Variants in MCFD2 observed in about 807,000 individuals in gnomAD.
MCFD2 encodes the protein multiple coagulation factor deficiency protein 2.
Under a neutral mutation model 12.8 loss-of-function variants are expected in MCFD2, and 11 were observed. The observed-to-expected ratio is 0.86, with a 90% confidence interval of 0.54 to 1.42. The LOEUF (loss-of-function observed/expected upper bound fraction) is 1.42. MCFD2 is among the 40% of genes most tolerant of loss of function. MCFD2 has a pLI of 0.00. For missense variants in MCFD2, 191 were observed against 178.6 expected (o/e 1.07, Z -0.40); for synonymous variants, 70 against 68.1 (o/e 1.03, Z -0.14).
At chr2:46,906,139 C>G (rs1477065635) in intron 3 of MCFD2, among the ~76,000 whole-genome samples, 1 of 152,200 alleles carries the variant, frequency 6.6e-6, no homozygotes, top group Non-Finnish European at 1.5e-5. Flanking sequence ...TGTTCACATC[C>G]TTGGCTGGTT....
chr2:46,918,645 A>G (rs78237514), upstream of MCFD2, among the ~76,000 whole-genome samples: 573 of 152,368 alleles, frequency 3.8e-3, 1 homozygote, highest in Non-Finnish European at 5.7e-3. Flanking sequence ...CTGTATGTCA[A>G]ACTGGAAAGT....
rs770440060 is a variant in MCFD2 at position 46,941,559 on chromosome 2, G to T, written c.-8+13C>A. ...GCGAGAAGATGGCTGCGAAGGGCGC[G>T]CACGGCTCCTACCTGAAGGTGGAGA... On this transcript the variant is annotated intron_variant, in intron 1 of 2. Transcript: ENST00000409147. The surrounding 1 kb of genome is among the most constrained non-coding windows in gnomAD (Gnocchi z 4.2). The T allele has an allele frequency of 2.8e-5, 43 of 1,555,546 alleles. No homozygotes were observed. Among genetic ancestry groups the T allele is most frequent in the Non-Finnish European group, 3.7e-5 (42 of 1,150,172 alleles).
Position 46,941,703 on chromosome 2 carries a change from A to G in MCFD2, c.-139T>C, listed in dbSNP as rs776259833. The G allele has an allele frequency of 7.6e-5, 118 of 1,550,604 alleles. No homozygotes were observed. Among genetic ancestry groups the G allele is most frequent in the Non-Finnish European group, 1.0e-4 (116 of 1,147,364 alleles). ...GTAACAGGCGAGGCAGCCCGAGCGC[A>G]GCGTTCACCTTTCCGGACACCGGTG... is the stretch of plus-strand genomic sequence containing the variant. On this transcript the variant is annotated 5_prime_UTR_variant, in exon 1 of 3. Coordinates refer to the MCFD2 transcript ENST00000409147. This position sits in a 1 kb window ranked among gnomAD's most constrained non-coding sequence, Gnocchi z 4.2.
At chr2:46,935,679 C>T (rs1297091395) in intron 1 of MCFD2, among the ~76,000 whole-genome samples, 3 of 152,166 alleles carry the variant, frequency 2.0e-5, no homozygotes, top group Non-Finnish European at 2.9e-5. Flanking sequence ...AGTCCAAGAC[C>T]CCTGACTCGG....
At chr2:46,929,982 T>C (rs1055945604) in intron 1 of MCFD2, among the ~76,000 whole-genome samples, 6 of 152,296 alleles carry the variant, frequency 3.9e-5, no homozygotes, top group East Asian at 1.9e-4. Context: ...TGAAGAAATA[T>C]GGAGAAAAGC....
chr2:46,920,004 T>C (rs950062276), upstream of MCFD2, among the ~76,000 whole-genome samples: 1 of 152,186 alleles, frequency 6.6e-6, no homozygotes, highest in Non-Finnish European at 1.5e-5. Flanking sequence ...TTTTGGCATG[T>C]GTTGTGTTGT....
chr2:46,929,181 C>T (rs937277427), intron 1 of MCFD2, among the ~76,000 whole-genome samples: 3 of 151,768 alleles, frequency 2.0e-5, no homozygotes, highest in Non-Finnish European at 4.4e-5. Context: ...GAAAACAAAA[C>T]AAAACAAAAA....
rs1668305839 is a variant in MCFD2, at chr2:46,907,793, G to A, written c.309+17C>T. Reference sequence around the variant, plus strand: ...GCCTTTCTGTGATACAGTCCCCCAAGCCACTGCCAGACCTACCTCCTTATG... The same window carrying A: ...GCCTTTCTGTGATACAGTCCCCCAAACCACTGCCAGACCTACCTCCTTATG... On this transcript the variant is annotated intron_variant, in intron 3 of 3. Transcript: ENST00000319466. This position sits in a 1 kb window ranked among gnomAD's most constrained non-coding sequence, Gnocchi z 4.1. The A allele has an allele frequency of 6.2e-7, 1 of 1,613,642 alleles. No individual in the cohort carries two copies. The highest frequency in any genetic ancestry group is 1.3e-5 in the African/African-American group (1 of 75,046).
Position 46,907,418 on chromosome 2 carries a change from T to A in MCFD2, c.309+392A>T, listed in dbSNP as rs1668291480. 4.5e-6 allele frequency: 1 copy of A among 224,094 alleles called. No homozygotes were observed. Among genetic ancestry groups the A allele is most frequent in the Non-Finnish European group, 9.0e-6 (1 of 111,130 alleles). The allele number at this position is 224,094 out of a possible 1,614,324, so 13.9% of individuals were successfully genotyped here. A position where few individuals can be genotyped will look rare whatever the true frequency, so the allele number is the denominator to read the frequency against. On this transcript the variant is annotated intron_variant, in intron 3 of 3. Transcript: ENST00000319466. This position sits in a 1 kb window ranked among gnomAD's most constrained non-coding sequence, Gnocchi z 4.1. The stretch of plus-strand genomic sequence containing the variant: ...TTCTCTTTTTGAGACAAGGCCTCAC[T>A]CTGTTGCCCAGGCTGAAGTGCGGTG...
chr2:46,939,036 C>T (rs1369138053), intron 1 of MCFD2, among the ~76,000 whole-genome samples: 3 of 149,912 alleles, frequency 2.0e-5, no homozygotes, highest in East Asian at 2.0e-4. Context: ...AAGTACTTTG[C>T]GGGCCAGGGT....
chr2:46,941,776 C>G lies in MCFD2; in HGVS notation c.-212G>C, dbSNP rs1443218123. 4.5e-6 allele frequency: 7 copies of G among 1,544,960 alleles called. No homozygotes were observed. The Admixed American group carries it at 5.9e-5, about 13-fold the overall frequency. On this transcript the variant is annotated 5_prime_UTR_variant, in exon 1 of 3. Transcript: ENST00000409147. This position sits in a 1 kb window ranked among gnomAD's most constrained non-coding sequence, Gnocchi z 4.2. ...CCGGCAGCGAGCGCGCGAAACGCACCGCCTCCTCCAGGAAGCGCGCCCAGA... is the reference window on the plus strand; with the variant it reads ...CCGGCAGCGAGCGCGCGAAACGCACGGCCTCCTCCAGGAAGCGCGCCCAGA...
upstream of MCFD2, among the ~76,000 whole-genome samples, chr2:46,917,554 C>T (rs1223688167): frequency 2.0e-5 from 3 of 152,222 alleles, no homozygotes; most frequent in East Asian, 1.9e-4. Flanking sequence ...TGTCAAGAAG[C>T]TGGTGTCTGG....
intron 1 of MCFD2, among the ~76,000 whole-genome samples, chr2:46,931,710 A>ATAAG (rs1669718206): frequency 6.6e-6 from 1 of 151,860 alleles, no homozygotes; most frequent in East Asian, 1.9e-4. Context: ...AAATAAATAA[A>ATAAG]TAAATAAATA....
At chr2:46,920,464 G>C (rs1669045122), upstream of MCFD2, among the ~76,000 whole-genome samples, 1 of 151,590 alleles carries the variant, frequency 6.6e-6, no homozygotes, top group South Asian at 2.1e-4. Flanking sequence ...CAAGTTGCTG[G>C]GATTACAGGC....
intron 1 of MCFD2, among the ~76,000 whole-genome samples, chr2:46,914,838 TTCTGA>T (rs1192659802): frequency 1.3e-5 from 2 of 152,246 alleles, no homozygotes; most frequent in Admixed American, 6.5e-5. Context: ...AAGGAACTTG[TTCTGA>T]TCTAAGAACC....
chr2:46,934,112 G>C (rs1299841447), intron 1 of MCFD2, among the ~76,000 whole-genome samples: 1 of 151,870 alleles, frequency 6.6e-6, no homozygotes, highest in Non-Finnish European at 1.5e-5. Context: ...TCAGTACACA[G>C]GAAGAACAGA....
chr2:46,920,275 T>C (rs1669031767), upstream of MCFD2, among the ~76,000 whole-genome samples: 1 of 152,196 alleles, frequency 6.6e-6, no homozygotes, highest in Admixed American at 6.5e-5. Flanking sequence ...CTCATCATGT[T>C]GTTGTTGTTT....
intron 1 of MCFD2, among the ~76,000 whole-genome samples, chr2:46,939,496 C>T (rs1359847726): frequency 6.6e-6 from 1 of 152,212 alleles, no homozygotes; most frequent in Non-Finnish European, 1.5e-5. Context: ...TTTATGCCCA[C>T]ACATACATGA....
chr2:46,915,805 C>CGGGGCGGGGGG lies in MCFD2; in HGVS notation c.-90_-89insCCCCCCGCCCC. Reference sequence around the variant, plus strand: ...TCCCCAAAACGCTCTTCCTCGGCTTCGCCCCGCCCCCCCCCCCCCCCCGAC... The same window carrying CGGGGCGGGGGG: ...TCCCCAAAACGCTCTTCCTCGGCTTCGGGGCGGGGGGGCCCCGCCCCCCCCCCCCCCCCGAC... On this transcript the variant is annotated 5_prime_UTR_variant, in exon 1 of 4. Coordinates refer to ENST00000319466, the MANE Select transcript of MCFD2 (RefSeq NM_139279.6). 2.7e-6 allele frequency: 1 copy of CGGGGCGGGGGG among 368,314 alleles called. No individual in the cohort carries two copies. Among genetic ancestry groups the CGGGGCGGGGGG allele is most frequent in the Non-Finnish European group, 3.1e-6 (1 of 327,194 alleles). 22.8% of individuals were successfully genotyped at this position (368,314 alleles called of 1,614,324 possible).
Sources: gnomAD v4.1 joint callset for allele counts (sites outside exome capture counted in the v4.1 genomes callset) on GRCh38, gnomAD v4.1.1 for gene constraint, Gnocchi (gnomAD v3.1) non-coding constraint, MANE v1.5 for transcripts, NCBI Gene and HGNC (gene_info 2026-07-23, HGNC 2026-07-21) for gene names.